Variants in DOCK2 observed in about 807,000 individuals in gnomAD.
The protein encoded by DOCK2 is dedicator of cytokinesis protein 2.
DOCK2 carries 87 observed loss-of-function variants against 248.9 expected under a neutral mutation model. The ratio of observed to expected loss-of-function variants is 0.35; its 90% CI spans 0.29 to 0.42. The LOEUF is 0.42. Among genes scored for constraint, DOCK2 ranks in the 10% least tolerant of loss-of-function variants. The pLI, the probability that DOCK2 is intolerant of heterozygous loss-of-function variation, is 1.00. For synonymous variants in DOCK2, 805 were observed against 821.6 expected (o/e 0.98, Z 0.35); for missense variants, 1,747 against 2,300.2 (o/e 0.76, Z 4.92).
At chr5:169,923,675 G>A (rs1408489790) in intron 27 of DOCK2, among the ~76,000 whole-genome samples, 13 of 152,328 alleles carry the variant, frequency 8.5e-5, no homozygotes, top group Non-Finnish European at 5.9e-5. Flanking sequence ...AGGTTAATAG[G>A]ACTAAGTAAG....
chr5:169,925,868 GAGA>G (rs1775421591), intron 27 of DOCK2, among the ~76,000 whole-genome samples: 1 of 152,262 alleles, frequency 6.6e-6, no homozygotes, highest in South Asian at 2.1e-4. Flanking sequence ...GTTCCCTGGG[GAGA>G]AGATGTTCCC....
chr5:169,718,325 TAG>T (rs1333586983), intron 21 of DOCK2, among the ~76,000 whole-genome samples: 3 of 152,128 alleles, frequency 2.0e-5, no homozygotes, highest in African/African-American at 7.2e-5. Flanking sequence ...GCATGTTCTA[TAG>T]AAAGAAAAAG....
At chr5:170,056,254 C>T (rs1274393121) in intron 42 of DOCK2, among the ~76,000 whole-genome samples, 1 of 152,192 alleles carries the variant, frequency 6.6e-6, no homozygotes, top group East Asian at 1.9e-4. Context: ...GTTCTGCTGG[C>T]CCTGAAGTTA....
chr5:169,926,530 G>A (rs1017041366), intron 27 of DOCK2, among the ~76,000 whole-genome samples: 3 of 152,200 alleles, frequency 2.0e-5, no homozygotes, highest in African/African-American at 7.2e-5. Context: ...TGAGAAAGAT[G>A]AATCTGGGTG....
At chr5:169,727,481 C>T (rs1762545642) in intron 22 of DOCK2, among the ~76,000 whole-genome samples, 1 of 151,964 alleles carries the variant, frequency 6.6e-6, no homozygotes, top group Admixed American at 6.6e-5. Flanking sequence ...TGGAGGGGGG[C>T]CTGATGCATC....
At chr5:170,066,541 A>G (rs1455058061) in intron 44 of DOCK2, among the ~76,000 whole-genome samples, 2 of 152,366 alleles carry the variant, frequency 1.3e-5, no homozygotes, top group East Asian at 3.9e-4. Flanking sequence ...TTTAGATCGT[A>G]ATGGACCTAA....
intron 22 of DOCK2, among the ~76,000 whole-genome samples, chr5:169,720,766 C>A (rs901599295): frequency 6.6e-6 from 1 of 152,110 alleles, no homozygotes; most frequent in Non-Finnish European, 1.5e-5. Context: ...AGAGCAATGG[C>A]GCAATCACGG....
chr5:170,069,274 G>A (rs1300282194), intron 46 of DOCK2, 54 bp downstream of exon 46: 19 of 1,587,560 alleles, frequency 1.2e-5, no homozygotes, highest in South Asian at 7.9e-5. Context: ...TCCCCCCACC[G>A]TGGTTCACTT....
chr5:169,835,047 T>G (rs1769474557), intron 26 of DOCK2, among the ~76,000 whole-genome samples: 1 of 152,090 alleles, frequency 6.6e-6, no homozygotes, highest in Non-Finnish European at 1.5e-5. Flanking sequence ...GCTTTTTTTT[T>G]GGTGGGGGGG....
rs984559535 is a variant in DOCK2 at position 170,027,742 on chromosome 5, C to T, written c.3382-121C>T. 7.5e-5 allele frequency: 67 copies of T among 896,332 alleles called. No homozygotes were observed. The South Asian group carries it at 1.0e-3, about 14-fold the overall frequency. The allele number at this position is 896,332 out of a possible 1,614,324, so 55.5% of individuals were successfully genotyped here. A position where few individuals can be genotyped will look rare whatever the true frequency, so the allele number is the denominator to read the frequency against. ...CTGTTCCATTTTGCATTCCCAGATC[C>T]CAGCACTCAACCTGGGAGATAAAGA... On this transcript the variant is annotated intron_variant, in intron 33 of 51. Transcript: ENST00000520908.
intron 27 of DOCK2, among the ~76,000 whole-genome samples, chr5:169,930,865 A>T (rs1250380063): frequency 6.6e-6 from 1 of 152,086 alleles, no homozygotes; most frequent in African/African-American, 2.4e-5. Context: ...TTCTTCTCAC[A>T]TTCACAACAA....
intron 27 of DOCK2, among the ~76,000 whole-genome samples, chr5:169,939,702 A>G (rs259909): frequency 0.7 from 107,081 of 151,958 alleles, 37,918 homozygotes; most frequent in African/African-American, 0.77. Context: ...CTGAGACGTC[A>G]TTATGCATGT....
chr5:169,902,655 C>T (rs1469303857), intron 27 of DOCK2, among the ~76,000 whole-genome samples: 4 of 152,190 alleles, frequency 2.6e-5, no homozygotes, highest in African/African-American at 9.7e-5. Context: ...GCTGAGTGTT[C>T]CACAGAGAGG....
chr5:169,747,061 C>T (rs1763652406), intron 22 of DOCK2, among the ~76,000 whole-genome samples: 1 of 152,162 alleles, frequency 6.6e-6, no homozygotes, highest in South Asian at 2.1e-4. Context: ...ATCTGATGAT[C>T]ACAATCTTTC....
At chr5:169,802,037 T>C (rs63584960) in intron 25 of DOCK2, among the ~76,000 whole-genome samples, 2 of 151,824 alleles carry the variant, frequency 1.3e-5, no homozygotes, top group Admixed American at 6.6e-5. Context: ...TTTTTTTTTT[T>C]CCTCAAGGTT....
chr5:169,793,392 A>G (rs13180993), intron 25 of DOCK2, among the ~76,000 whole-genome samples: 18,763 of 152,194 alleles, frequency 0.12, 1,443 homozygotes, highest in Non-Finnish European at 0.17. Context: ...ATAGTTTAAT[A>G]GGTATGAATA....
intron 23 of DOCK2, among the ~76,000 whole-genome samples, chr5:169,748,721 C>A (rs1763747051): frequency 6.6e-6 from 1 of 152,176 alleles, no homozygotes; most frequent in African/African-American, 2.4e-5. Context: ...AACATAAATA[C>A]CCTCCTCTAG....
chr5:169,785,485 T>C (rs1276136785), intron 25 of DOCK2, among the ~76,000 whole-genome samples: 1 of 152,172 alleles, frequency 6.6e-6, no homozygotes, highest in Non-Finnish European at 1.5e-5. Context: ...AATATTAAAG[T>C]TATTCATTAA....
chr5:169,727,553 G>A (rs1260231170), intron 22 of DOCK2, among the ~76,000 whole-genome samples: 4 of 152,176 alleles, frequency 2.6e-5, no homozygotes, highest in Admixed American at 6.5e-5. Flanking sequence ...GCAGCTTGAC[G>A]TCATCCTGTA....
Sources: allele counts gnomAD v4.1 joint callset (sites outside exome capture counted in the v4.1 genomes callset), GRCh38; gene constraint gnomAD v4.1.1; transcripts MANE v1.5; gene names NCBI Gene and HGNC (gene_info 2026-07-23, HGNC 2026-07-21).